The following PACRG variants were observed in gnomAD, a reference collection of about 807,000 sequenced individuals.
PACRG encodes parkin coregulated.
PACRG carries 29 observed loss-of-function variants against 29.7 expected under a neutral mutation model. The ratio of observed to expected loss-of-function variants is 0.98; its 90% CI spans 0.73 to 1.33. PACRG has a LOEUF of 1.33. Among genes scored for constraint, PACRG ranks in the 40% most tolerant of loss-of-function variants. The pLI is 0.00. For missense variants in PACRG, 279 were observed against 316.2 expected, an observed-to-expected ratio of 0.88 and a Z score of 0.89; for synonymous variants, 116 against 118.7, an observed-to-expected ratio of 0.98 and a Z score of 0.15.
intron 4 of PACRG, among the ~76,000 whole-genome samples, chr6:163,307,279 ACCTAGTGCTTTAGTGAC>A (rs938380989): frequency 5.3e-5 from 8 of 152,328 alleles, no homozygotes; most frequent in Non-Finnish European, 7.3e-5. Context: ...TGGCTTAGTA[ACCTAGTGCTTTAGTGAC>A]CCAGCCTTCG....
chr6:163,153,593 G>A (rs13192757), intron 4 of PACRG, among the ~76,000 whole-genome samples: 22,263 of 152,090 alleles, frequency 0.15, 1,697 homozygotes, highest in East Asian at 0.31. Context: ...CCCATTTCAC[G>A]TGACAATTTG....
chr6:162,834,118 A>C (rs1171059143), intron 2 of PACRG, among the ~76,000 whole-genome samples: 1 of 152,168 alleles, frequency 6.6e-6, no homozygotes, highest in Non-Finnish European at 1.5e-5. Flanking sequence ...TTAGGTGCAC[A>C]GTGAAGTGTA....
chr6:163,062,352 G>A, intron 3 of PACRG, 31 bp downstream of exon 3: 1 of 1,580,812 alleles, frequency 6.3e-7, no homozygotes, highest in Middle Eastern at 1.7e-4. Flanking sequence ...GCATCACTCA[G>A]TTTATACGGT....
chr6:162,932,481 T>G (rs1390765292), intron 2 of PACRG, among the ~76,000 whole-genome samples: 3 of 152,072 alleles, frequency 2.0e-5, no homozygotes, highest in Non-Finnish European at 4.4e-5. Flanking sequence ...TTTAAACATT[T>G]GGTAGAATTT....
intron 4 of PACRG, among the ~76,000 whole-genome samples, chr6:163,312,143 C>T (rs1042192964): frequency 4.6e-5 from 7 of 152,198 alleles, no homozygotes; most frequent in Admixed American, 6.5e-5. Flanking sequence ...CCTATGCAAA[C>T]AGGCCATGCC....
intron 3 of PACRG, among the ~76,000 whole-genome samples, chr6:163,066,316 T>C: frequency 6.6e-6 from 1 of 152,164 alleles, no homozygotes; most frequent in East Asian, 1.9e-4. Context: ...ACCCCGGTCA[T>C]GTGAAGAAAA....
chr6:163,205,653 A>C (rs1362019682), intron 4 of PACRG, among the ~76,000 whole-genome samples: 2 of 152,246 alleles, frequency 1.3e-5, no homozygotes, highest in Non-Finnish European at 1.5e-5. Flanking sequence ...AGGATCTAGC[A>C]AAGATTTCAT....
chr6:163,186,985 G>A (rs1037837435), intron 4 of PACRG, among the ~76,000 whole-genome samples: 3 of 152,160 alleles, frequency 2.0e-5, no homozygotes, highest in African/African-American at 7.2e-5. Context: ...CCCACTTCAC[G>A]GGCTCTGTCT....
chr6:162,906,471 A>G (rs1231071410), intron 2 of PACRG, among the ~76,000 whole-genome samples: 1 of 152,238 alleles, frequency 6.6e-6, no homozygotes, highest in East Asian at 1.9e-4. Context: ...GCCAGACCGT[A>G]TTTCAAACAA....
intron 4 of PACRG, among the ~76,000 whole-genome samples, chr6:163,194,827 A>T (rs530309518): frequency 1.7e-4 from 25 of 151,390 alleles, no homozygotes; most frequent in Non-Finnish European, 2.9e-4. Context: ...ATGCCCCCCA[A>T]CCCCACGCCT....
intron 4 of PACRG, among the ~76,000 whole-genome samples, chr6:163,135,012 A>T (rs1816872072): frequency 6.6e-6 from 1 of 152,140 alleles, no homozygotes; most frequent in Non-Finnish European, 1.5e-5. Context: ...ATTCACACGC[A>T]TACTTTTTTA....
intron 4 of PACRG, among the ~76,000 whole-genome samples, chr6:163,230,626 G>A (rs770220522): frequency 7.2e-5 from 9 of 124,776 alleles, no homozygotes; most frequent in Non-Finnish European, 1.1e-4. Flanking sequence ...CTTATTTGAC[G>A]TGTCCAAATG....
chr6:163,056,542 C>A (rs2128254380), intron 2 of PACRG, among the ~76,000 whole-genome samples: 1 of 152,264 alleles, frequency 6.6e-6, no homozygotes, highest in South Asian at 2.1e-4. Flanking sequence ...GAAGCCATGT[C>A]TGTGTCCCTG....
chr6:162,783,184 CT>C (rs1784219134), intron 1 of PACRG, among the ~76,000 whole-genome samples: 1 of 151,750 alleles, frequency 6.6e-6, no homozygotes, highest in Non-Finnish European at 1.5e-5. Flanking sequence ...GTGTATTTTG[CT>C]TAGAAACTAT....
intron 4 of PACRG, among the ~76,000 whole-genome samples, chr6:163,117,243 A>T (rs1423570334): frequency 1.3e-5 from 2 of 152,136 alleles, no homozygotes; most frequent in African/African-American, 4.8e-5. Flanking sequence ...TGAATGTGGA[A>T]CCCTTCTTGG....
intron 3 of PACRG, among the ~76,000 whole-genome samples, chr6:163,073,860 T>C (rs1254109166): frequency 2.0e-5 from 3 of 152,172 alleles, no homozygotes; most frequent in Non-Finnish European, 4.4e-5. Flanking sequence ...ATCAGAGAAA[T>C]GCAAATCAAA....
chr6:162,814,607 G>A (rs181046889), intron 2 of PACRG, among the ~76,000 whole-genome samples: 425 of 152,194 alleles, frequency 2.8e-3, no homozygotes, highest in Non-Finnish European at 5.0e-3. Context: ...GGCTGGATAC[G>A]GAGAGCAACA....
At chr6:163,149,830 T>C (rs1243583093) in intron 4 of PACRG, among the ~76,000 whole-genome samples, 2 of 152,142 alleles carry the variant, frequency 1.3e-5, no homozygotes, top group Non-Finnish European at 2.9e-5. Flanking sequence ...CCACCCTGCG[T>C]TTCCTACCTG....
intron 2 of PACRG, among the ~76,000 whole-genome samples, chr6:162,945,555 G>A (rs1336043976): frequency 6.6e-6 from 1 of 151,934 alleles, no homozygotes; most frequent in East Asian, 1.9e-4. Context: ...AATAGTTGAG[G>A]GTTTCAACAC....
Sources: allele counts gnomAD v4.1 joint callset (sites outside exome capture counted in the v4.1 genomes callset), GRCh38; gene constraint gnomAD v4.1.1; transcripts MANE v1.5; gene names NCBI Gene and HGNC (gene_info 2026-07-23, HGNC 2026-07-21).